Variants in UHRF2 observed in about 807,000 individuals in gnomAD.
The protein encoded by UHRF2 is E3 ubiquitin-protein ligase UHRF2.
A neutral mutation model predicts 96.8 loss-of-function variants in UHRF2; 23 were observed. The observed-to-expected ratio is 0.24, with a 90% CI of 0.17 to 0.34. The LOEUF (loss-of-function observed/expected upper bound fraction) is 0.34, where lower values mean the gene tolerates loss of function less well. Among genes scored for constraint, UHRF2 ranks in the 10% least tolerant of loss-of-function variants. The pLI, the probability that UHRF2 is intolerant of heterozygous loss-of-function variation, is 1.00. For synonymous variants in UHRF2, 385 were observed against 332.6 expected (o/e 1.16, Z -1.72); for missense variants, 685 against 981.5 (o/e 0.70, Z 4.04).
rs199920511 is a variant in UHRF2, at chr9:6,499,829, C to A, written c.1909-6C>A. 6.1e-5 allele frequency: 97 copies of A among 1,591,500 alleles called. No individual in the cohort carries two copies. The highest frequency in any genetic ancestry group is 9.2e-5 in the East Asian group (4 of 43,314). ...CATTGTACTCTCCCTCCTCCCCCCC[C>A]ATCAGTATCCAGCAGGTTACCCTTC... On this transcript the variant is annotated splice_region_variant and splice_polypyrimidine_tract_variant and intron_variant, in intron 12 of 15. Transcript: ENST00000276893.
At position 6,504,015 on chromosome 9, in the gene UHRF2, C is replaced by CTTTTT. The variant is rs35325264; in HGVS notation, c.2164-554_2164-550dup. Among the ~76,000 whole-genome samples, 71 of 78,942 alleles carry CTTTTT rather than the reference C, an allele frequency of 9.0e-4. 13 individuals carry two copies. Among genetic ancestry groups the CTTTTT allele is most frequent in the African/African-American group, 4.0e-3 (67 of 16,782 alleles). The allele number at this position is 78,942 out of a possible 152,430, so 51.8% of individuals were successfully genotyped here. ...GTACTTGATTTTTTTAAATAGAAGA[C>CTTTTT]TTTTTTTTTTTTTTTTTTTTTTTTT... On this transcript the variant is annotated intron_variant, in intron 14 of 15. Transcript: ENST00000276893.
intron 3 of UHRF2, among the ~76,000 whole-genome samples, chr9:6,445,478 C>T (rs1282184383): frequency 1.3e-5 from 2 of 152,196 alleles, no homozygotes; most frequent in African/African-American, 4.8e-5. Context: ...CCAGGCTGGT[C>T]TAGAACTCCT....
intron 15 of UHRF2, 64 bp downstream of exon 15, chr9:6,504,755 T>A (rs1816495015): frequency 7.7e-7 from 1 of 1,299,594 alleles, no homozygotes; most frequent in Admixed American, 2.1e-5. Context: ...TCTATACCTG[T>A]TTTTAGCATG....
chr9:6,446,479 C>T (rs1194377102), intron 3 of UHRF2, among the ~76,000 whole-genome samples: 2 of 151,618 alleles, frequency 1.3e-5, no homozygotes, highest in African/African-American at 2.4e-5. Flanking sequence ...CAGGGTTTCG[C>T]CATGTTGCCC....
chr9:6,413,769 G>T, intron 1 of UHRF2, 126 bp downstream of exon 1: 1 of 1,224,214 alleles, frequency 8.2e-7, no homozygotes, highest in Middle Eastern at 3.0e-4. Flanking sequence ...CTGCGGGTGG[G>T]CAGCCCCCGC....
chr9:6,422,576 A>G (rs2130727307), intron 2 of UHRF2: 1 of 526,746 alleles, frequency 1.9e-6, no homozygotes, highest in Non-Finnish European at 3.5e-6. Context: ...CTTTTAATTC[A>G]TGAACATTAA....
At position 6,413,359 on chromosome 9, in the gene UHRF2, G is replaced by C. The variant is rs1240793891; in HGVS notation, c.-132G>C. 4.3e-6 allele frequency: 4 copies of C among 927,346 alleles called. No homozygotes were observed. Among genetic ancestry groups the C allele is most frequent in the East Asian group, 4.8e-5 (1 of 20,656 alleles). The allele number at this position is 927,346 out of a possible 1,614,324, so 57.4% of individuals were successfully genotyped here. On this transcript the variant is annotated 5_prime_UTR_variant, in exon 1 of 16. Coordinates refer to ENST00000276893, the MANE Select transcript of UHRF2 (RefSeq NM_152896.3). Reference sequence around the variant, plus strand: ...CGCCTGTCGGGCCCGGCGTCCGGTCGGTCCGGTGGGCGCGCTCGCCCGCCT... The same window carrying C: ...CGCCTGTCGGGCCCGGCGTCCGGTCCGTCCGGTGGGCGCGCTCGCCCGCCT...
At chr9:6,421,435 C>T (rs759876383) in intron 2 of UHRF2, among the ~76,000 whole-genome samples, 2 of 152,076 alleles carry the variant, frequency 1.3e-5, no homozygotes, top group Non-Finnish European at 2.9e-5. Flanking sequence ...TTTTTGATAA[C>T]GGAGGCTTGC....
At chr9:6,413,822 G>T in intron 1 of UHRF2, 179 bp downstream of exon 1, 1 of 730,606 alleles carries the variant, frequency 1.4e-6, no homozygotes, top group Non-Finnish European at 2.0e-6. Flanking sequence ...ATGGTGGGGA[G>T]TGGGTCCCTG....
intron 3 of UHRF2, among the ~76,000 whole-genome samples, chr9:6,459,114 G>A (rs868298672): frequency 7.9e-5 from 12 of 152,290 alleles, no homozygotes; most frequent in African/African-American, 2.4e-4. Context: ...AATACCTAAT[G>A]TAGATGACAG....
At chr9:6,445,980 C>G (rs1207694504) in intron 3 of UHRF2, among the ~76,000 whole-genome samples, 2 of 89,374 alleles carry the variant, frequency 2.2e-5, no homozygotes, top group Non-Finnish European at 4.4e-5. Flanking sequence ...CCCCCGCCAC[C>G]CTTTTTTTTT....
chr9:6,468,239 C>G (rs866130492), intron 4 of UHRF2: 3 of 348,980 alleles, frequency 8.6e-6, no homozygotes, highest in South Asian at 2.2e-5. Context: ...TAAAGAGTGT[C>G]TTGATAAGCC....
chr9:6,424,331 A>G (rs1188209367), intron 2 of UHRF2, among the ~76,000 whole-genome samples: 1 of 152,250 alleles, frequency 6.6e-6, no homozygotes, highest in Non-Finnish European at 1.5e-5. Context: ...ATCTGGGAAT[A>G]AGTTAAGACT....
intron 10 of UHRF2, chr9:6,494,940 A>C (rs1425062182): frequency 6.6e-6 from 1 of 152,180 alleles, no homozygotes; most frequent in Non-Finnish European, 1.5e-5. Flanking sequence ...AGCAGAGGAG[A>C]CAGGTCAGAT....
intron 4 of UHRF2, among the ~76,000 whole-genome samples, chr9:6,464,536 G>GTT (rs962985137): frequency 6.6e-6 from 1 of 151,974 alleles, no homozygotes; most frequent in African/African-American, 2.4e-5. Flanking sequence ...AAGCTTTGTG[G>GTT]TTTTGCCTTT....
chr9:6,413,441 C>T lies in UHRF2; in HGVS notation c.-50C>T. On this transcript the variant is annotated 5_prime_UTR_variant, in exon 1 of 16. Coordinates refer to ENST00000276893, the MANE Select transcript of UHRF2 (RefSeq NM_152896.3). ...GCGCGGGCCGGGCGGGGCGCGGCGC[C>T]CAGAGCTCAGGGGGAGACAAAGGGG... The T allele has an allele frequency of 7.3e-7, 1 of 1,364,282 alleles. No individual in the cohort carries two copies. Among genetic ancestry groups the T allele is most frequent in the Non-Finnish European group, 9.6e-7 (1 of 1,044,090 alleles). The allele number at this position is 1,364,282 out of a possible 1,614,324, so 84.5% of individuals were successfully genotyped here.
intron 3 of UHRF2, among the ~76,000 whole-genome samples, chr9:6,435,944 A>T (rs560346585): frequency 6.6e-6 from 1 of 152,344 alleles, no homozygotes; most frequent in East Asian, 1.9e-4. Context: ...TGGAAGTGGT[A>T]TTAAGAACTT....
chr9:6,463,174 G>C (rs766409683), intron 4 of UHRF2, among the ~76,000 whole-genome samples: 34 of 151,890 alleles, frequency 2.2e-4, no homozygotes, highest in Non-Finnish European at 4.7e-4. Context: ...CCAGCTACTC[G>C]AAAGGCTGAG....
rs967243367 is a variant in UHRF2, at chr9:6,449,644, A to C, written c.645-10929A>C. On this transcript the variant is annotated intron_variant, in intron 3 of 15. Coordinates refer to ENST00000276893, the MANE Select transcript of UHRF2 (RefSeq NM_152896.3). Reference sequence around the variant, plus strand: ...GGTTGGCCCTGGCCTGCTGTTTGGAAACCTTAGATTTCAGGAACATTCCCA... The same window carrying C: ...GGTTGGCCCTGGCCTGCTGTTTGGACACCTTAGATTTCAGGAACATTCCCA... 2.6e-5 allele frequency: 4 copies of C among 152,210 alleles called. No homozygotes were observed. The South Asian group carries it at 8.3e-4, about 32-fold the overall frequency. 9.4% of individuals were successfully genotyped at this position (152,210 alleles called of 1,614,324 possible).
Sources: gnomAD v4.1 joint callset for allele counts (sites outside exome capture counted in the v4.1 genomes callset) on GRCh38, gnomAD v4.1.1 for gene constraint, MANE v1.5 for transcripts, NCBI Gene and HGNC (gene_info 2026-07-23, HGNC 2026-07-21) for gene names.